CTNND2: variants seen among roughly 807,000 people sequenced by gnomAD.
CTNND2 encodes catenin delta-2.
CTNND2 carries 22 observed loss-of-function variants against 144.4 expected under a neutral mutation model. That is an observed-to-expected ratio of 0.15 (90% CI 0.11 to 0.22). The LOEUF is 0.22. Ranked by LOEUF, CTNND2 falls within the 10% of genes least tolerant of loss-of-function variation. The pLI, the probability that CTNND2 is intolerant of heterozygous loss-of-function variation, is 1.00. For missense variants in CTNND2, 1,353 were observed against 1,618.8 expected (o/e 0.84, Z 2.82); for synonymous variants, 751 against 695.6 (o/e 1.08, Z -1.25).
intron 1 of CTNND2, among the ~76,000 whole-genome samples, chr5:11,882,082 C>G (rs1486328289): frequency 6.6e-6 from 1 of 151,800 alleles, no homozygotes; most frequent in East Asian, 1.9e-4. Context: ...ATCATTATAA[C>G]TGCTGTTGAG....
rs537136546 is a variant in CTNND2, at chr5:10,980,554, C to A, written c.3417+1219G>T. The stretch of plus-strand genomic sequence containing the variant: ...AGTGATCCCATTACTGGGTATATAC[C>A]CAAAGGGTTATAAATCATTCTACTA... On this transcript the variant is annotated intron_variant, in intron 21 of 21. Transcript: ENST00000304623. Among the ~76,000 whole-genome samples the A allele has an allele frequency of 3.3e-5, 5 of 152,178 alleles. No homozygotes were observed. The East Asian group carries it at 9.7e-4, about 29-fold the overall frequency.
chr5:11,236,356 A>G (rs1218639394), intron 10 of CTNND2, among the ~76,000 whole-genome samples: 1 of 152,192 alleles, frequency 6.6e-6, no homozygotes, highest in Non-Finnish European at 1.5e-5. Context: ...GTATGTCTTT[A>G]GGATTTAGGG....
At chr5:11,034,308 A>T (rs1743831009) in intron 16 of CTNND2, among the ~76,000 whole-genome samples, 1 of 152,216 alleles carries the variant, frequency 6.6e-6, no homozygotes, top group Admixed American at 6.5e-5. Flanking sequence ...AAACATTTAA[A>T]AAGGTTAACG....
intron 2 of CTNND2, among the ~76,000 whole-genome samples, chr5:11,639,402 T>C (rs527362811): frequency 2.4e-4 from 37 of 152,274 alleles, no homozygotes; most frequent in African/African-American, 8.7e-4. Flanking sequence ...GATCCCCAGG[T>C]GACTCATATG....
At chr5:11,592,105 T>G (rs1244430027) in intron 2 of CTNND2, among the ~76,000 whole-genome samples, 1 of 151,470 alleles carries the variant, frequency 6.6e-6, no homozygotes, top group East Asian at 2.0e-4. Flanking sequence ...CTCAGGAACC[T>G]ATCTACCTTC....
At chr5:10,984,422 T>C (rs1053091580) in intron 20 of CTNND2, among the ~76,000 whole-genome samples, 2 of 152,246 alleles carry the variant, frequency 1.3e-5, no homozygotes, top group African/African-American at 4.8e-5. Context: ...ATTAAATGCA[T>C]ATATTTTTTA....
At chr5:11,069,232 A>C (rs1028946652) in intron 16 of CTNND2, among the ~76,000 whole-genome samples, 6 of 152,250 alleles carry the variant, frequency 3.9e-5, no homozygotes, top group African/African-American at 1.4e-4. Context: ...ATGGTGTTGT[A>C]CACAGCATTC....
At chr5:11,221,625 A>G (rs556579285) in intron 10 of CTNND2, among the ~76,000 whole-genome samples, 1 of 152,360 alleles carries the variant, frequency 6.6e-6, no homozygotes, top group Admixed American at 6.5e-5. Context: ...ATCACATGAT[A>G]CGAAGCCTTC....
intron 3 of CTNND2, among the ~76,000 whole-genome samples, chr5:11,548,196 T>C (rs1432980763): frequency 6.6e-6 from 1 of 152,206 alleles, no homozygotes; most frequent in Non-Finnish European, 1.5e-5. Context: ...AATACTTTAC[T>C]TATTAGGATG....
intron 17 of CTNND2, among the ~76,000 whole-genome samples, chr5:11,020,946 A>G (rs146681851): frequency 6.6e-6 from 1 of 152,326 alleles, no homozygotes; most frequent in Non-Finnish European, 1.5e-5. Context: ...ATTAAAGGGC[A>G]TTTATGAGAT....
At chr5:11,557,164 G>A (rs1236862273) in intron 3 of CTNND2, among the ~76,000 whole-genome samples, 7 of 152,002 alleles carry the variant, frequency 4.6e-5, no homozygotes, top group Admixed American at 2.0e-4. Flanking sequence ...TAACATGACC[G>A]ATTACAAAGC....
intron 3 of CTNND2, among the ~76,000 whole-genome samples, chr5:11,477,116 T>C (rs1027590943): frequency 2.0e-5 from 3 of 152,206 alleles, no homozygotes; most frequent in Admixed American, 1.3e-4. Context: ...GTGGATTCAG[T>C]TCCATTGCTT....
intron 2 of CTNND2, among the ~76,000 whole-genome samples, chr5:11,672,082 C>T (rs1467932627): frequency 6.6e-6 from 1 of 152,182 alleles, no homozygotes; most frequent in African/African-American, 2.4e-5. Context: ...CCACTCCAGA[C>T]CCTGTTTGCC....
At chr5:11,718,828 T>C (rs925840035) in intron 2 of CTNND2, among the ~76,000 whole-genome samples, 1 of 152,078 alleles carries the variant, frequency 6.6e-6, no homozygotes, top group Non-Finnish European at 1.5e-5. Context: ...CTACCAAATA[T>C]CCTCTCCTCT....
intron 16 of CTNND2, among the ~76,000 whole-genome samples, chr5:11,024,346 T>C (rs1742601208): frequency 6.6e-6 from 1 of 152,208 alleles, no homozygotes; most frequent in Non-Finnish European, 1.5e-5. Flanking sequence ...CAAAAATGGT[T>C]TGCCTGCAAA....
At chr5:11,436,958 A>G (rs1763829625) in intron 3 of CTNND2, among the ~76,000 whole-genome samples, 1 of 152,202 alleles carries the variant, frequency 6.6e-6, no homozygotes, top group African/African-American at 2.4e-5. Flanking sequence ...CTAATCCACT[A>G]AATCTAAGTA....
intron 10 of CTNND2, 67 bp downstream of exon 10, chr5:11,236,624 A>G (rs1741663133): frequency 3.3e-6 from 5 of 1,519,172 alleles, no homozygotes. Context: ...TTTCCCCATC[A>G]ACATTAAGAA....
chr5:11,092,017 T>C (rs1156820314), intron 15 of CTNND2, among the ~76,000 whole-genome samples: 1 of 152,188 alleles, frequency 6.6e-6, no homozygotes, highest in Non-Finnish European at 1.5e-5. Context: ...ATCCATCTCC[T>C]GAACACAGTG....
intron 10 of CTNND2, among the ~76,000 whole-genome samples, chr5:11,207,647 G>A (rs990775218): frequency 2.0e-5 from 3 of 151,996 alleles, no homozygotes; most frequent in Non-Finnish European, 4.4e-5. Flanking sequence ...TCTCCTTAGG[G>A]GCCTGGATTA....
Sources: gnomAD v4.1 joint callset for allele counts (sites outside exome capture counted in the v4.1 genomes callset) on GRCh38, gnomAD v4.1.1 for gene constraint, MANE v1.5 for transcripts, NCBI Gene and HGNC (gene_info 2026-07-23, HGNC 2026-07-21) for gene names.